ABCA13: variants seen among roughly 807,000 people sequenced by gnomAD.
ABCA13 encodes the protein ATP-binding cassette sub-family A member 13.
In ABCA13, 476 loss-of-function variants were observed where a neutral mutation model predicts 478.7. The ratio of observed to expected loss-of-function variants is 0.99; its 90% CI spans 0.92 to 1.07. The LOEUF (loss-of-function observed/expected upper bound fraction) is 1.07. Ranked by LOEUF, ABCA13 falls within the 50% of genes least tolerant of loss-of-function variation. The probability of loss-of-function intolerance (pLI) is 0.00; values close to 1 mark genes in which losing one functional copy is unlikely to be tolerated. For synonymous variants in ABCA13, 2,252 were observed against 2,158.9 expected (o/e 1.04, Z -1.20); for missense variants, 6,060 against 5,910.6 (o/e 1.03, Z -0.83).
chr7:48,600,016 T>C (rs1258460927), intron 58 of ABCA13, among the ~76,000 whole-genome samples: 1 of 152,224 alleles, frequency 6.6e-6, no homozygotes, highest in African/African-American at 2.4e-5. Flanking sequence ...AAATAAGATA[T>C]TGAAATATTC....
intron 15 of ABCA13, among the ~76,000 whole-genome samples, chr7:48,264,781 T>C (rs1404411357): frequency 6.6e-6 from 1 of 151,670 alleles, no homozygotes; most frequent in Non-Finnish European, 1.5e-5. Flanking sequence ...ATTTTGATGA[T>C]ATTTTGTTTA....
chr7:48,625,607 A>ATGT lies in ABCA13; in HGVS notation c.14837+10234_14837+10236dup, dbSNP rs80206526. Among the ~76,000 whole-genome samples the ATGT allele has an allele frequency of 9.2e-4, 140 of 152,262 alleles. 8 individuals carry two copies. In the East Asian group the frequency reaches 0.025, roughly 27 times the overall value. ...TCATCTCATTTGTTGTCACAACATCATGTTGTATGAACACAGCATTGCTCT... is the reference window on the plus strand; with the variant it reads ...TCATCTCATTTGTTGTCACAACATCATGTTGTTGTATGAACACAGCATTGCTCT... On this transcript the variant is annotated intron_variant, in intron 59 of 61. Transcript: ENST00000435803.
intron 42 of ABCA13, among the ~76,000 whole-genome samples, chr7:48,448,275 G>A (rs1824546527): frequency 6.6e-6 from 1 of 152,206 alleles, no homozygotes; most frequent in South Asian, 2.1e-4. Flanking sequence ...GTGTGAAGCT[G>A]TTTAGAGACT....
At chr7:48,630,817 G>GTTTT (rs55908191) in intron 59 of ABCA13, among the ~76,000 whole-genome samples, 8 of 147,476 alleles carry the variant, frequency 5.4e-5, no homozygotes, top group African/African-American at 2.0e-4. Context: ...GCCAGCATCT[G>GTTTT]TTTTTTTTTT....
At chr7:48,456,724 T>A (rs1449069695) in intron 43 of ABCA13, among the ~76,000 whole-genome samples, 1 of 152,222 alleles carries the variant, frequency 6.6e-6, no homozygotes, top group Non-Finnish European at 1.5e-5. Flanking sequence ...GACTACTGAA[T>A]GGCTCTTTAG....
At chr7:48,308,999 C>T (rs113231958) in intron 23 of ABCA13, among the ~76,000 whole-genome samples, 3,088 of 142,090 alleles carry the variant, frequency 0.022, 58 homozygotes, top group Middle Eastern at 0.056. Context: ...GTGCATTTCC[C>T]AAATGTATCC....
At chr7:48,413,894 T>C (rs932048660) in intron 41 of ABCA13, among the ~76,000 whole-genome samples, 7 of 152,334 alleles carry the variant, frequency 4.6e-5, no homozygotes, top group Non-Finnish European at 8.8e-5. Context: ...ATAGGCCAAT[T>C]TCTTTACCCC....
In ABCA13 at chr7:48,245,623, A is replaced by C; in HGVS notation, c.1491+11A>C. On this transcript the variant is annotated intron_variant, in intron 12 of 61. Coordinates refer to ENST00000435803, the MANE Select transcript of ABCA13 (RefSeq NM_152701.5). The stretch of plus-strand genomic sequence containing the variant: ...TGGGAGCTGAAACAGGTAAAGCACA[A>C]CAAATAATTATAAATAAGCATTTTT... 2 of 1,595,442 alleles carry C rather than the reference A, an allele frequency of 1.3e-6. No homozygotes were observed. Among genetic ancestry groups the C allele is most frequent in the Non-Finnish European group, 1.7e-6 (2 of 1,172,740 alleles).
chr7:48,274,674 C>A lies in ABCA13; in HGVS notation c.5008C>A (p.Leu1670Ile). Residue 1670 changes from leucine to isoleucine, a missense_variant, in exon 17 of 62, where the codon CTT becomes ATT. Leu to Ile is a conservative substitution (Grantham distance 5, BLOSUM62 2). Around this residue, in one of 3 missense-constraint regions of ABCA13, gnomAD observed 4,423 missense variants for 4,309.1 expected, o/e 1.03. Coordinates refer to ENST00000435803, the MANE Select transcript of ABCA13 (RefSeq NM_152701.5). ...GAAGGTAACTTCTGTCATGCGTACC[C>A]TTAAGAAGGCAGACATAGACCTTTT... ...LKKVTSVMRT[L>I]KKADIDLLVD... The A allele has an allele frequency of 1.2e-6, 2 of 1,613,938 alleles. No individual in the cohort carries two copies. The highest frequency in any genetic ancestry group is 2.2e-5 in the South Asian group (2 of 91,078).
intron 48 of ABCA13, among the ~76,000 whole-genome samples, chr7:48,497,447 T>A (rs1563352967): frequency 1.3e-5 from 2 of 152,230 alleles, no homozygotes; most frequent in Non-Finnish European, 2.9e-5. Context: ...TTTCAACTGG[T>A]AATATTCTGG....
Position 48,462,101 on chromosome 7 carries a change from C to T in ABCA13, c.12816-4855C>T, listed in dbSNP as rs566141376. On this transcript the variant is annotated intron_variant, in intron 43 of 61. Transcript: ENST00000435803. ...TCTGAGATAACAGGTGTTTTCCAGA[C>T]GTGGAGAAGAGAAAGTTTCTTCTCT... Among the ~76,000 whole-genome samples, 51 of 152,178 alleles carry T rather than the reference C, an allele frequency of 3.4e-4. 1 individual carries two copies. The South Asian group carries it at 8.9e-3, about 27-fold the overall frequency.
chr7:48,629,981 A>C (rs1450951260), intron 59 of ABCA13, among the ~76,000 whole-genome samples: 4 of 152,082 alleles, frequency 2.6e-5, no homozygotes, highest in Non-Finnish European at 5.9e-5. Context: ...CATTTTCACC[A>C]ATTTTTAAAA....
In ABCA13 at chr7:48,412,367, G is replaced by A. The variant is rs755582715; in HGVS notation, c.12243G>A (p.Glu4081=). The change falls in exon 41 of 62, where the codon GAG becomes GAA. Residue 4081 remains glutamate, a synonymous_variant. Coordinates refer to ENST00000435803, the MANE Select transcript of ABCA13 (RefSeq NM_152701.5). ...LTLTRQPSVL[E]AHDLKDMACV... is the part of the protein sequence containing the mutation. ...TTTATGGATAGCCTTCTGTTCTGGA[G>A]GCCCATGATCTGAAAGACATGGCTT... 9 of 1,612,326 alleles carry A rather than the reference G, an allele frequency of 5.6e-6. No homozygotes were observed. Among genetic ancestry groups the A allele is most frequent in the Non-Finnish European group, 7.6e-6 (9 of 1,179,244 alleles).
chr7:48,325,085 C>T (rs148871979), intron 27 of ABCA13, among the ~76,000 whole-genome samples: 3 of 152,194 alleles, frequency 2.0e-5, no homozygotes, highest in African/African-American at 7.2e-5. Context: ...AGTTTGCTCT[C>T]AAGTTACTGA....
chr7:48,515,652 T>C (rs1832048780), intron 51 of ABCA13, among the ~76,000 whole-genome samples: 1 of 152,114 alleles, frequency 6.6e-6, no homozygotes, highest in Non-Finnish European at 1.5e-5. Flanking sequence ...GTTCTGCCTG[T>C]AAGATGACAG....
intron 55 of ABCA13, among the ~76,000 whole-genome samples, chr7:48,571,734 C>T (rs1282969563): frequency 1.3e-5 from 2 of 152,100 alleles, no homozygotes; most frequent in Non-Finnish European, 2.9e-5. Context: ...TGAATATATA[C>T]AACATTATTA....
chr7:48,270,033 G>A (rs141085400), intron 16 of ABCA13, among the ~76,000 whole-genome samples: 1 of 152,264 alleles, frequency 6.6e-6, no homozygotes, highest in East Asian at 1.9e-4. Context: ...GTCTATATGT[G>A]CACAAGGACA....
At chr7:48,386,485 T>C (rs976906705) in intron 35 of ABCA13, among the ~76,000 whole-genome samples, 4 of 152,180 alleles carry the variant, frequency 2.6e-5, no homozygotes, top group Admixed American at 2.6e-4. Context: ...GACTTCAAAC[T>C]ATGCTACAGG....
intron 1 of ABCA13, among the ~76,000 whole-genome samples, chr7:48,175,255 G>A (rs762813026): frequency 2.2e-4 from 34 of 152,084 alleles, no homozygotes; most frequent in Non-Finnish European, 3.8e-4. Flanking sequence ...TAAATTGACA[G>A]ATAATAATTG....
Sources: gnomAD v4.1 joint callset for allele counts (sites outside exome capture counted in the v4.1 genomes callset) on GRCh38, gnomAD v4.1.1 for gene constraint, gnomAD v4.1.1 regional missense constraint, MANE v1.5 for transcripts, NCBI Gene and HGNC (gene_info 2026-07-23, HGNC 2026-07-21) for gene names.